CREB1: variants seen among roughly 807,000 people sequenced by gnomAD.
CREB1 encodes cyclic AMP-responsive element-binding protein 1.
Under a neutral mutation model 42.0 loss-of-function variants are expected in CREB1, and 2 were observed. The observed-to-expected ratio is 0.05, with a 90% CI of 0.02 to 0.15. The LOEUF (loss-of-function observed/expected upper bound fraction) is 0.15. Among genes scored for constraint, CREB1 ranks in the 10% least tolerant of loss-of-function variants. The pLI is 1.00. For synonymous variants in CREB1, 123 were observed against 139.9 expected (o/e 0.88, Z 0.85); for missense variants, 199 against 388.9 (o/e 0.51, Z 4.11).
intron 1 of CREB1, among the ~76,000 whole-genome samples, chr2:207,553,276 CCAGGCTGGTCTT>C (rs1054623906): frequency 1.3e-5 from 2 of 151,806 alleles, no homozygotes; most frequent in African/African-American, 4.8e-5. Flanking sequence ...ACCATGTTGA[CCAGGCTGGTCTT>C]GAACTCCTGA....
At chr2:207,548,771 C>T (rs568652906) in intron 1 of CREB1, among the ~76,000 whole-genome samples, 2 of 151,982 alleles carry the variant, frequency 1.3e-5, no homozygotes, top group Admixed American at 6.6e-5. Context: ...CCCGCTCCCC[C>T]CCAAAAAGAT....
chr2:207,571,976 C>G (rs1168590050), intron 5 of CREB1, among the ~76,000 whole-genome samples: 1 of 152,110 alleles, frequency 6.6e-6, no homozygotes, highest in Non-Finnish European at 1.5e-5. Context: ...CGCCTGTAAT[C>G]CCAGCACGCT....
At chr2:207,586,061 A>C (rs2083771297) in intron 7 of CREB1, among the ~76,000 whole-genome samples, 1 of 151,918 alleles carries the variant, frequency 6.6e-6, no homozygotes, top group African/African-American at 2.4e-5. Flanking sequence ...TTTCTAAGAC[A>C]CACTATTTTC....
At chr2:207,591,726 C>T (rs2085079172) in intron 7 of CREB1, among the ~76,000 whole-genome samples, 1 of 152,306 alleles carries the variant, frequency 6.6e-6, no homozygotes, top group East Asian at 1.9e-4. Context: ...AACCACCATT[C>T]CCAGCCTCCT....
intron 7 of CREB1, 30 bp downstream of exon 7, chr2:207,577,685 A>G: frequency 6.2e-7 from 1 of 1,611,536 alleles, no homozygotes; most frequent in South Asian, 1.1e-5. Flanking sequence ...TTAGATTGTT[A>G]TGTGTTAAGT....
At chr2:207,594,920 T>A (rs911911832) in intron 7 of CREB1, among the ~76,000 whole-genome samples, 5 of 151,904 alleles carry the variant, frequency 3.3e-5, no homozygotes, top group African/African-American at 1.2e-4. Context: ...ATAGTAGCCA[T>A]CCTAATGGTT....
At position 207,600,154 on chromosome 2, in the gene CREB1, A is replaced by G. The variant is rs2086785331; in HGVS notation, c.*3096A>G. On this transcript the variant is annotated 3_prime_UTR_variant, in exon 8 of 8. Transcript: ENST00000353267. The stretch of plus-strand genomic sequence containing the variant: ...TCATTCTTTTTCAAACTCAAGTACC[A>G]TATTGGCAACCATAATATTGTCATA... 5.6e-6 allele frequency: 1 copy of G among 179,550 alleles called. No homozygotes were observed. The highest frequency in any genetic ancestry group is 1.2e-5 in the Non-Finnish European group (1 of 84,364). 11.1% of individuals were successfully genotyped at this position (179,550 alleles called of 1,614,324 possible). A position where few individuals can be genotyped will look rare whatever the true frequency, so the allele number is the denominator to read the frequency against.
intron 7 of CREB1, among the ~76,000 whole-genome samples, chr2:207,595,503 C>A (rs1350158886): frequency 6.6e-6 from 1 of 151,952 alleles, no homozygotes; most frequent in Non-Finnish European, 1.5e-5. Context: ...TCACTGCAGC[C>A]TCGACCTCCC....
At chr2:207,567,202 T>TA (rs2082171433) in intron 3 of CREB1, among the ~76,000 whole-genome samples, 1 of 152,116 alleles carries the variant, frequency 6.6e-6, no homozygotes, top group Non-Finnish European at 1.5e-5. Flanking sequence ...TGATAAGTAA[T>TA]ACTGATGCAT....
chr2:207,536,280 C>A (rs1333692178), intron 1 of CREB1, among the ~76,000 whole-genome samples: 1 of 151,936 alleles, frequency 6.6e-6, no homozygotes, highest in Non-Finnish European at 1.5e-5. Context: ...GGGCCAGTCG[C>A]GGTGGCTGAC....
chr2:207,546,867 T>G (rs1280933710), intron 1 of CREB1, among the ~76,000 whole-genome samples: 3 of 152,262 alleles, frequency 2.0e-5, no homozygotes, highest in African/African-American at 7.2e-5. Flanking sequence ...TTGGTACCTT[T>G]GAGTTCTTGG....
chr2:207,555,738 A>G lies in CREB1; in HGVS notation c.103A>G (p.Thr35Ala), dbSNP rs114514847. Residue 35 changes from threonine (T) to alanine (A), a missense_variant, in exon 2 of 8, where the codon ACA (threonine) becomes GCA (alanine). Physicochemically the swap from Thr to Ala is moderately conservative, Grantham distance 58. Around this residue, in one of 4 missense-constraint regions of CREB1, gnomAD observed 53 missense variants for 57.1 expected, o/e 0.93. Transcript: ENST00000353267. The stretch of plus-strand genomic sequence containing the variant: ...AGTTCAAGCCCAGCCACAGATTGCC[A>G]CATTAGCCCAGGTATAAAATACATG... ...MTVQAQPQIA[T>A]LAQVSMPAAH... 1.5e-4 allele frequency: 246 copies of G among 1,610,196 alleles called. No individual in the cohort carries two copies. The African/African-American group carries it at 3.1e-3, about 20-fold the overall frequency.
At chr2:207,582,541 T>G (rs2083101838) in intron 7 of CREB1, among the ~76,000 whole-genome samples, 1 of 152,226 alleles carries the variant, frequency 6.6e-6, no homozygotes, top group African/African-American at 2.4e-5. Flanking sequence ...TTTATAAGTG[T>G]CTTCTGTGTC....
intron 7 of CREB1, among the ~76,000 whole-genome samples, chr2:207,580,249 C>T (rs936846146): frequency 1.3e-5 from 2 of 152,182 alleles, no homozygotes; most frequent in African/African-American, 4.8e-5. Context: ...AACCTGTAAA[C>T]ATGCTACTTC....
intron 7 of CREB1, among the ~76,000 whole-genome samples, chr2:207,579,352 G>A (rs953731822): frequency 6.6e-5 from 10 of 152,098 alleles, no homozygotes; most frequent in Admixed American, 5.9e-4. Context: ...AAAGAAAAGA[G>A]TTCAAAGCAA....
intron 1 of CREB1, among the ~76,000 whole-genome samples, chr2:207,538,729 CTT>C (rs986166271): frequency 6.6e-6 from 1 of 152,164 alleles, no homozygotes; most frequent in Non-Finnish European, 1.5e-5. Context: ...TGAAAGTTGA[CTT>C]ATACCAATGA....
chr2:207,604,358 C>G lies in CREB1; in HGVS notation c.*7300C>G, dbSNP rs1489373566. 6.6e-6 allele frequency among the ~76,000 whole-genome samples: 1 copy of G among 152,216 alleles called. No individual in the cohort carries two copies. Among genetic ancestry groups the G allele is most frequent in the Admixed American group, 6.5e-5 (1 of 15,284 alleles). Reference sequence around the variant, plus strand: ...AAACTTAACTTCTCCCCCAAATCTTCCTTCCGCTGGTTTTTCCATCTCGTA... The same window carrying G: ...AAACTTAACTTCTCCCCCAAATCTTGCTTCCGCTGGTTTTTCCATCTCGTA... On this transcript the variant is annotated 3_prime_UTR_variant, in exon 8 of 8. Coordinates refer to ENST00000353267, the MANE Select transcript of CREB1 (RefSeq NM_004379.5).
intron 5 of CREB1, among the ~76,000 whole-genome samples, chr2:207,572,672 C>T (rs922211277): frequency 9.2e-5 from 14 of 151,948 alleles, no homozygotes; most frequent in African/African-American, 2.9e-4. Context: ...AAAAATTAGC[C>T]GAGCGAGGTG....
At chr2:207,552,042 C>CAAA (rs71036931) in intron 1 of CREB1, among the ~76,000 whole-genome samples, 5,639 of 68,114 alleles carry the variant, frequency 0.083, 454 homozygotes, top group Non-Finnish European at 0.11. Context: ...AACTCCGTCT[C>CAAA]AAAAAAAAAA....
Sources: gnomAD v4.1 joint callset for allele counts (sites outside exome capture counted in the v4.1 genomes callset) on GRCh38, gnomAD v4.1.1 for gene constraint, gnomAD v4.1.1 regional missense constraint, MANE v1.5 for transcripts, NCBI Gene and HGNC (gene_info 2026-07-23, HGNC 2026-07-21) for gene names.